BRD7: variants seen among roughly 807,000 people sequenced by gnomAD.
BRD7 encodes the protein bromodomain-containing protein 7.
A neutral mutation model predicts 82.1 loss-of-function variants in BRD7; 15 were observed. That is an observed-to-expected ratio of 0.18 (90% CI 0.12 to 0.28). The LOEUF (loss-of-function observed/expected upper bound fraction) is 0.28. Ranked by LOEUF, BRD7 falls within the 10% of genes least tolerant of loss-of-function variation. The pLI, the probability that BRD7 is intolerant of heterozygous loss-of-function variation, is 1.00. For synonymous variants in BRD7, 232 were observed against 266.9 expected (o/e 0.87, Z 1.27); for missense variants, 638 against 779.9 (o/e 0.82, Z 2.17).
rs1469041497 is a variant in BRD7 at position 50,317,395 on chromosome 16, G to T, written c.*1816C>A. ...GCAGTGACCAGGGCTGCCCGGCGGG[G>T]GCTCTCCTGGCAAGTCAGGAAGGTT... is the stretch of plus-strand genomic sequence containing the variant. On this transcript the variant is annotated 3_prime_UTR_variant, in exon 17 of 17. Coordinates refer to ENST00000394688, the MANE Select transcript of BRD7 (RefSeq NM_013263.5). The T allele has an allele frequency of 6.7e-6, 1 of 150,352 alleles. No individual in the cohort carries two copies. Among genetic ancestry groups the T allele is most frequent in the Non-Finnish European group, 1.5e-5 (1 of 68,032 alleles). The allele number at this position is 150,352 out of a possible 1,614,324, so 9.3% of individuals were successfully genotyped here. A position where few individuals can be genotyped will look rare whatever the true frequency, so the allele number is the denominator to read the frequency against.
At chr16:50,325,624 A>G in intron 11 of BRD7, 124 bp downstream of exon 11, 1 of 764,700 alleles carries the variant, frequency 1.3e-6, no homozygotes, top group South Asian at 2.6e-5. Flanking sequence ...TTGTCAGCTT[A>G]AAAAAAAATT....
At chr16:50,332,130 A>G (rs1292574963) in intron 8 of BRD7, among the ~76,000 whole-genome samples, 1 of 152,256 alleles carries the variant, frequency 6.6e-6, no homozygotes. Flanking sequence ...ACAAAAATTC[A>G]CAAGTGGGAC....
chr16:50,319,752 G>A (rs1408445562), intron 16 of BRD7, 135 bp downstream of exon 16: 3 of 1,095,042 alleles, frequency 2.7e-6, no homozygotes, highest in East Asian at 4.7e-5. Flanking sequence ...TTAGGGACTT[G>A]AGCATCTACA....
chr16:50,368,539 G>C, intron 1 of BRD7, 187 bp downstream of exon 1: 1 of 711,260 alleles, frequency 1.4e-6, no homozygotes. Context: ...CGGACCAGGG[G>C]GACCCGGGTT....
At chr16:50,351,356 T>C (rs1478699380) in intron 4 of BRD7, among the ~76,000 whole-genome samples, 1 of 152,174 alleles carries the variant, frequency 6.6e-6, no homozygotes, top group Non-Finnish European at 1.5e-5. Context: ...GCCTAAGCAG[T>C]GAGACTAAAA....
intron 3 of BRD7, 75 bp from the exon 4 acceptor site, chr16:50,354,557 C>CCCTGGCAACTTGAAGGGTGT: frequency 7.6e-7 from 1 of 1,309,436 alleles, no homozygotes; most frequent in Non-Finnish European, 1.1e-6. Context: ...AGATCATTTT[C>CCCTGGCAACTTGAAGGGTGT]TACAACCATT....
intron 4 of BRD7, among the ~76,000 whole-genome samples, chr16:50,353,418 G>C (rs1038500180): frequency 6.6e-6 from 1 of 151,940 alleles, no homozygotes; most frequent in Non-Finnish European, 1.5e-5. Context: ...GATTACATTA[G>C]AGAAAAATTA....
chr16:50,321,566 CAAAAAAAAAAAAAAAAAA>C (rs60824563), intron 13 of BRD7, among the ~76,000 whole-genome samples: 1 of 67,446 alleles, frequency 1.5e-5, no homozygotes, highest in Non-Finnish European at 2.6e-5. Context: ...GACTCCATCT[CAAAAAAAAAAAAAAAAAA>C]AAAAAAAAAA....
At chr16:50,336,794 G>C (rs2037820505) in intron 6 of BRD7, among the ~76,000 whole-genome samples, 1 of 152,170 alleles carries the variant, frequency 6.6e-6, no homozygotes, top group African/African-American at 2.4e-5. Context: ...TTCAATTAGA[G>C]AAAGTTTCTA....
intron 2 of BRD7, among the ~76,000 whole-genome samples, chr16:50,358,895 T>C (rs1460937035): frequency 6.6e-6 from 1 of 152,252 alleles, no homozygotes; most frequent in Non-Finnish European, 1.5e-5. Context: ...ATCTAGCTTC[T>C]AGTTCACCAG....
intron 8 of BRD7, among the ~76,000 whole-genome samples, chr16:50,329,840 C>A (rs1567604372): frequency 6.6e-6 from 1 of 152,188 alleles, no homozygotes; most frequent in Non-Finnish European, 1.5e-5. Flanking sequence ...ATTCAAATGT[C>A]GGCTCAGTTA....
intron 8 of BRD7, among the ~76,000 whole-genome samples, chr16:50,332,356 G>A (rs1476910039): frequency 1.3e-5 from 2 of 152,236 alleles, no homozygotes; most frequent in East Asian, 1.9e-4. Flanking sequence ...GACATGAACA[G>A]ACACCACTCA....
intron 8 of BRD7, among the ~76,000 whole-genome samples, chr16:50,332,984 G>C (rs901052085): frequency 1.3e-5 from 2 of 152,248 alleles, no homozygotes; most frequent in South Asian, 4.1e-4. Flanking sequence ...ATGCTAAAAG[G>C]GGGCAGGGAG....
Position 50,319,033 on chromosome 16 carries a change from C to T in BRD7, c.*178G>A, listed in dbSNP as rs138739351. 4.2e-3 allele frequency: 2,511 copies of T among 598,560 alleles called. 60 individuals carry two copies. The African/African-American group carries it at 0.044, about 10-fold the overall frequency. The allele number at this position is 598,560 out of a possible 1,614,324, so 37.1% of individuals were successfully genotyped here. A position where few individuals can be genotyped will look rare whatever the true frequency, so the allele number is the denominator to read the frequency against. On this transcript the variant is annotated 3_prime_UTR_variant, in exon 17 of 17. Coordinates refer to ENST00000394688, the MANE Select transcript of BRD7 (RefSeq NM_013263.5). ...CAGCCCCAAGCACATTCCTTCCTCA[C>T]GAGTCCCAGGTCCAGCTTTATTACC...
At chr16:50,327,578 T>A (rs373326675) in intron 9 of BRD7, among the ~76,000 whole-genome samples, 1 of 152,206 alleles carries the variant, frequency 6.6e-6, no homozygotes, top group Non-Finnish European at 1.5e-5. Flanking sequence ...CATAGTCCCC[T>A]TCTTTCCATC....
chr16:50,349,250 GT>G (rs2038416202), intron 5 of BRD7: 1 of 211,700 alleles, frequency 4.7e-6, no homozygotes, highest in African/African-American at 2.4e-5. Context: ...CTGTTGTGGG[GT>G]GGGGGCATGG....
rs2037743095 is a variant in BRD7, at chr16:50,335,089, A to G, written c.703-194T>C. Among the ~76,000 whole-genome samples the G allele has an allele frequency of 1.3e-5, 2 of 152,230 alleles. 1 individual carries two copies. Among genetic ancestry groups the G allele is most frequent in the South Asian group, 4.1e-4 (2 of 4,832 alleles). The stretch of plus-strand genomic sequence containing the variant: ...CCTACACCTTCAATTCTTAAAATTT[A>G]ATTTCCAACTTCATAGAAAGCTTTA... On this transcript the variant is annotated intron_variant, in intron 6 of 16. Coordinates refer to ENST00000394688, the MANE Select transcript of BRD7 (RefSeq NM_013263.5).
At chr16:50,345,614 CAA>C (rs2038250007) in intron 5 of BRD7, among the ~76,000 whole-genome samples, 1 of 152,002 alleles carries the variant, frequency 6.6e-6, no homozygotes, top group South Asian at 2.1e-4. Flanking sequence ...GCAGGGGTTG[CAA>C]TCCTAGTCTC....
At chr16:50,356,424 G>A (rs1322002320) in intron 2 of BRD7, among the ~76,000 whole-genome samples, 2 of 152,110 alleles carry the variant, frequency 1.3e-5, no homozygotes, top group Admixed American at 6.5e-5. Context: ...AATAAATTGT[G>A]TCATATTTAC....
Sources: gnomAD v4.1 joint callset for allele counts (sites outside exome capture counted in the v4.1 genomes callset) on GRCh38, gnomAD v4.1.1 for gene constraint, MANE v1.5 for transcripts, NCBI Gene and HGNC (gene_info 2026-07-23, HGNC 2026-07-21) for gene names.